Variants in FUT2 observed in about 807,000 individuals in gnomAD.
FUT2 encodes fucosyltransferase 2 (H blood group), also known as galactoside alpha-(1,2)-fucosyltransferase 2.
For missense variants in FUT2, 419 were observed against 465.8 expected (o/e 0.90, Z 0.93); for synonymous variants, 182 against 193.1 (o/e 0.94, Z 0.48).
intron 1 of FUT2, among the ~76,000 whole-genome samples, chr19:48,700,975 G>A (rs1308467438): frequency 1.3e-5 from 2 of 151,978 alleles, no homozygotes; most frequent in Non-Finnish European, 2.9e-5. Flanking sequence ...GAGAAAAGGG[G>A]AAATGGCTTT....
In FUT2 at chr19:48,703,880, T is replaced by C; in HGVS notation, c.924T>C (p.Asn308=). The C allele has an allele frequency of 6.2e-7, 1 of 1,613,570 alleles. No homozygotes were observed. The highest frequency in any genetic ancestry group is 8.5e-7 in the Non-Finnish European group (1 of 1,180,014). The change falls in exon 2 of 2, where the codon AAT becomes AAC. Residue 308 remains asparagine (N), a synonymous_variant. Coordinates refer to ENST00000425340, the MANE Select transcript of FUT2 (RefSeq NM_000511.6). ...GCGGAGACACCATCTACCTGGCCAA[T>C]TACACCCTCCCCGACTCCCCTTTCC... ...LTGGDTIYLA[N]YTLPDSPFLK...
rs1220266059 is a variant in FUT2 at position 48,705,128 on chromosome 19, T to C, written c.*1140T>C. The C allele has an allele frequency of 2.3e-5, 5 of 221,886 alleles. No individual in the cohort carries two copies. The East Asian group carries it at 3.9e-4, about 17-fold the overall frequency. 13.7% of individuals were successfully genotyped at this position (221,886 alleles called of 1,614,324 possible). A position where few individuals can be genotyped will look rare whatever the true frequency, so the allele number is the denominator to read the frequency against. ...TTTCTTTTCTTTTTTTTTTTTTTTT[T>C]GAGATGGAGTCTTGCTGCATCCCCC... is the stretch of plus-strand genomic sequence containing the variant. On this transcript the variant is annotated 3_prime_UTR_variant, in exon 2 of 2. Transcript: ENST00000425340.
At position 48,704,285 on chromosome 19, in the gene FUT2, G is replaced by C; in HGVS notation, c.*297G>C. ...AAAAATACAAAAATTAGCCAGGCGT[G>C]GTGGTGCACACCTGTAATCCCAGCT... On this transcript the variant is annotated 3_prime_UTR_variant, in exon 2 of 2. Transcript: ENST00000425340. 2.2e-6 allele frequency: 1 copy of C among 444,642 alleles called. No individual in the cohort carries two copies. Among genetic ancestry groups the C allele is most frequent in the South Asian group, 2.1e-5 (1 of 47,106 alleles). The allele number at this position is 444,642 out of a possible 1,614,324, so 27.5% of individuals were successfully genotyped here.
In FUT2 at chr19:48,705,478, A is replaced by C. The variant is rs1043220192; in HGVS notation, c.*1490A>C. On this transcript the variant is annotated 3_prime_UTR_variant, in exon 2 of 2. Transcript: ENST00000425340. Reference sequence around the variant, plus strand: ...TTTTTCCAGTTTGCACAAATGTGCCATATTGGCTTGTAGCTGGCATGCATC... The same window carrying C: ...TTTTTCCAGTTTGCACAAATGTGCCCTATTGGCTTGTAGCTGGCATGCATC... 16 of 167,102 alleles carry C rather than the reference A, an allele frequency of 9.6e-5. No individual in the cohort carries two copies. The highest frequency in any genetic ancestry group is 3.9e-4 in the African/African-American group (16 of 41,454). The allele number at this position is 167,102 out of a possible 1,614,324, so 10.4% of individuals were successfully genotyped here. A position where few individuals can be genotyped will look rare whatever the true frequency, so the allele number is the denominator to read the frequency against.
chr19:48,704,313 T>G lies in FUT2; in HGVS notation c.*325T>G. On this transcript the variant is annotated 3_prime_UTR_variant, in exon 2 of 2. Transcript: ENST00000425340. ...GGTGCACACCTGTAATCCCAGCTAC[T>G]CGGGAGGCTGAGGCAAGAGAATCAC... The G allele has an allele frequency of 2.5e-6, 1 of 396,872 alleles. No homozygotes were observed. The highest frequency in any genetic ancestry group is 4.7e-6 in the Non-Finnish European group (1 of 211,120). The allele number at this position is 396,872 out of a possible 1,614,324, so 24.6% of individuals were successfully genotyped here.
intron 1 of FUT2, among the ~76,000 whole-genome samples, chr19:48,702,421 A>T (rs1253348430): frequency 2.0e-5 from 3 of 152,024 alleles, no homozygotes; most frequent in African/African-American, 7.2e-5. Flanking sequence ...AATAAATAAA[A>T]AATTAATAAA....
rs768143018 is a variant in FUT2, at chr19:48,703,716, G to A, written c.760G>A (p.Asp254Asn). The A allele has an allele frequency of 6.2e-7, 1 of 1,613,654 alleles. No homozygotes were observed. Among genetic ancestry groups the A allele is most frequent in the Non-Finnish European group, 8.5e-7 (1 of 1,180,024 alleles). ...NGMAWCRENI[D>N]TSHGDVVFAG... ...CATGGCCTGGTGTCGGGAGAACATTGACACCTCCCACGGTGATGTGGTGTT... is the reference window on the plus strand; with the variant it reads ...CATGGCCTGGTGTCGGGAGAACATTAACACCTCCCACGGTGATGTGGTGTT... The change falls in exon 2 of 2, where the codon GAC (aspartate) becomes AAC (asparagine). Residue 254 changes from aspartate to asparagine, a missense_variant. Coordinates refer to ENST00000425340, the MANE Select transcript of FUT2 (RefSeq NM_000511.6).
intron 1 of FUT2, among the ~76,000 whole-genome samples, chr19:48,701,134 AC>A (rs1307870937): frequency 6.6e-6 from 1 of 151,884 alleles, no homozygotes; most frequent in African/African-American, 2.4e-5. Context: ...CAGAGAGCTC[AC>A]TATTTTCTTT....
chr19:48,701,717 G>A (rs974321879), intron 1 of FUT2, among the ~76,000 whole-genome samples: 17 of 151,904 alleles, frequency 1.1e-4, no homozygotes, highest in Non-Finnish European at 2.4e-4. Context: ...ATCTTGGGCC[G>A]GGCGCGGTGG....
chr19:48,703,841 C>T lies in FUT2; in HGVS notation c.885C>T (p.Ala295=), dbSNP rs150496430. Residue 295 remains alanine (A), a synonymous_variant, in exon 2 of 2, where the codon GCC becomes GCT. Coordinates refer to ENST00000425340, the MANE Select transcript of FUT2 (RefSeq NM_000511.6). The part of the protein sequence containing the change: ...IMTIGTFGIW[A]AYLTGGDTIY... ...CCATTGGGACGTTCGGGATCTGGGC[C>T]GCATACCTCACGGGCGGAGACACCA... 4.0e-5 allele frequency: 65 copies of T among 1,613,570 alleles called. No individual in the cohort carries two copies. Among genetic ancestry groups the T allele is most frequent in the South Asian group, 4.4e-5 (4 of 90,618 alleles).
rs2032567714 is a variant in FUT2, at chr19:48,703,509, C to CTCCTT, written c.554_555insCCTTT (p.Gln186LeufsTer4). On this transcript the variant is annotated frameshift_variant, in exon 2 of 2. Transcript: ENST00000425340. LOFTEE classifies it low-confidence loss of function (END_TRUNC). ...GGAGGCCCAGAAGTTCCTGCGGGGCCTGCAGGTGAACGGGAGCCGGCCGGG... is the reference window on the plus strand; with the variant it reads ...GGAGGCCCAGAAGTTCCTGCGGGGCCTCCTTTGCAGGTGAACGGGAGCCGGCCGGG... 1 of 1,613,010 alleles carries CTCCTT rather than the reference C, an allele frequency of 6.2e-7. No individual in the cohort carries two copies. Among genetic ancestry groups the CTCCTT allele is most frequent in the Non-Finnish European group, 8.5e-7 (1 of 1,180,030 alleles).
chr19:48,702,725 TCTAC>T (rs1247451981), intron 1 of FUT2, among the ~76,000 whole-genome samples: 1 of 152,048 alleles, frequency 6.6e-6, no homozygotes, highest in Non-Finnish European at 1.5e-5. Flanking sequence ...TGTGTACGCA[TCTAC>T]CTGTGTACAC....
In FUT2 at chr19:48,704,088, T is replaced by A. The variant is rs769653435; in HGVS notation, c.*100T>A. ...TGGTTCCATGAGCAGGACCCATCTC[T>A]CTTCTGTGAAGATGCGTTGGGCTGC... On this transcript the variant is annotated 3_prime_UTR_variant, in exon 2 of 2. Transcript: ENST00000425340. 54 of 1,146,778 alleles carry A rather than the reference T, an allele frequency of 4.7e-5. No homozygotes were observed. The Middle Eastern group carries it at 7.2e-4, about 15-fold the overall frequency. The allele number at this position is 1,146,778 out of a possible 1,614,324, so 71.0% of individuals were successfully genotyped here.
At chr19:48,699,255 G>A (rs552242990) in intron 1 of FUT2, among the ~76,000 whole-genome samples, 16 of 152,034 alleles carry the variant, frequency 1.1e-4, no homozygotes, top group African/African-American at 3.1e-4. Flanking sequence ...GTGCAGTGGC[G>A]CGATCTTAGC....
intron 1 of FUT2, among the ~76,000 whole-genome samples, chr19:48,702,071 C>T (rs1165152208): frequency 6.6e-6 from 1 of 152,046 alleles, no homozygotes; most frequent in African/African-American, 2.4e-5. Context: ...TGGACACCCA[C>T]ATATGTACAC....
rs1188467901 is a variant in FUT2 at position 48,704,138 on chromosome 19, G to C, written c.*150G>C. The stretch of plus-strand genomic sequence containing the variant: ...CAAGTAACAGAAATCTCAGTGAACA[G>C]TGGCCTGGCGTGGTGGCTCATGCCT... On this transcript the variant is annotated 3_prime_UTR_variant, in exon 2 of 2. Transcript: ENST00000425340. The C allele has an allele frequency of 1.2e-6, 1 of 825,512 alleles. No homozygotes were observed. Among genetic ancestry groups the C allele is most frequent in the African/African-American group, 1.7e-5 (1 of 59,416 alleles). The allele number at this position is 825,512 out of a possible 1,614,324, so 51.1% of individuals were successfully genotyped here.
rs2032593056 is a variant in FUT2, at chr19:48,704,305, C to T, written c.*317C>T. On this transcript the variant is annotated 3_prime_UTR_variant, in exon 2 of 2. Transcript: ENST00000425340. The stretch of plus-strand genomic sequence containing the variant: ...GGCGTGGTGGTGCACACCTGTAATC[C>T]CAGCTACTCGGGAGGCTGAGGCAAG... 2.4e-6 allele frequency: 1 copy of T among 410,132 alleles called. No individual in the cohort carries two copies. Among genetic ancestry groups the T allele is most frequent in the South Asian group, 2.4e-5 (1 of 41,936 alleles). The allele number at this position is 410,132 out of a possible 1,614,324, so 25.4% of individuals were successfully genotyped here.
Position 48,704,183 on chromosome 19 carries a change from A to C in FUT2, c.*195A>C. On this transcript the variant is annotated 3_prime_UTR_variant, in exon 2 of 2. Coordinates refer to ENST00000425340, the MANE Select transcript of FUT2 (RefSeq NM_000511.6). ...ATGCCTGTAATGCTCGCACTTTGTG[A>C]GGCCAGGGTGGGTGGATCACTTGAG... is the stretch of plus-strand genomic sequence containing the variant. 3.1e-6 allele frequency: 2 copies of C among 648,450 alleles called. No homozygotes were observed. The highest frequency in any genetic ancestry group is 5.7e-6 in the Non-Finnish European group (2 of 351,986). 40.2% of individuals were successfully genotyped at this position (648,450 alleles called of 1,614,324 possible).
Position 48,703,380 on chromosome 19 carries a change from G to A in FUT2, c.424G>A (p.Gly142Arg), listed in dbSNP as rs1317906587. ...GGAGGAGGAATACCGCCACATCCCG[G>A]GGGAGTACGTCCGCTTCACCGGCTA... ...WMEEEYRHIP[G>R]EYVRFTGYPC... is the part of the protein sequence containing the mutation. Residue 142 changes from glycine to arginine, a missense_variant, in exon 2 of 2, where the codon GGG becomes AGG. Physicochemically the swap from Gly to Arg is moderately radical, Grantham distance 125. Coordinates refer to ENST00000425340, the MANE Select transcript of FUT2 (RefSeq NM_000511.6). The A allele has an allele frequency of 6.2e-7, 1 of 1,612,994 alleles. No individual in the cohort carries two copies. The highest frequency in any genetic ancestry group is 8.5e-7 in the Non-Finnish European group (1 of 1,179,980).
Sources: allele counts gnomAD v4.1 joint callset (sites outside exome capture counted in the v4.1 genomes callset), GRCh38; gene constraint gnomAD v4.1.1; transcripts MANE v1.5; gene names NCBI Gene and HGNC (gene_info 2026-07-23, HGNC 2026-07-21).